Variants in ITSN1 observed in about 807,000 individuals in gnomAD.
The protein encoded by ITSN1 is intersectin-1.
ITSN1 carries 58 observed loss-of-function variants against 239.8 expected under a neutral mutation model. The ratio of observed to expected loss-of-function variants is 0.24; its 90% confidence interval spans 0.20 to 0.30. The LOEUF (loss-of-function observed/expected upper bound fraction) is 0.30. Ranked by LOEUF, ITSN1 falls within the 10% of genes least tolerant of loss-of-function variation. ITSN1 has a pLI of 1.00. For missense variants in ITSN1, 1,558 were observed against 2,103.3 expected, an observed-to-expected ratio of 0.74 and a Z score of 5.07; for synonymous variants, 780 against 770.8, an observed-to-expected ratio of 1.01 and a Z score of -0.20.
intron 33 of ITSN1, among the ~76,000 whole-genome samples, chr21:33,869,537 A>G (rs1982350256): frequency 6.6e-6 from 1 of 152,246 alleles, no homozygotes; most frequent in South Asian, 2.1e-4. Flanking sequence ...GTGTGTTGAT[A>G]TTAGATGATT....
chr21:33,834,504 C>G (rs2074487760), intron 28 of ITSN1, 80 bp downstream of exon 28: 1 of 1,010,638 alleles, frequency 9.9e-7, no homozygotes, highest in African/African-American at 1.6e-5. Context: ...CATTAAATAT[C>G]TTAGGTTGTT....
At chr21:33,669,049 C>G (rs1362977635) in intron 1 of ITSN1, among the ~76,000 whole-genome samples, 1 of 152,204 alleles carries the variant, frequency 6.6e-6, no homozygotes, top group African/African-American at 2.4e-5. Context: ...TCCAAACATT[C>G]TGGTTTGTTT....
intron 1 of ITSN1, among the ~76,000 whole-genome samples, chr21:33,685,373 T>C (rs2091187977): frequency 6.6e-6 from 1 of 152,146 alleles, no homozygotes. Flanking sequence ...GTTTAGTCAT[T>C]CTGTACTGCT....
At chr21:33,667,527 A>G (rs537790132) in intron 1 of ITSN1, among the ~76,000 whole-genome samples, 2 of 152,326 alleles carry the variant, frequency 1.3e-5, no homozygotes, top group African/African-American at 4.8e-5. Flanking sequence ...ATTTGGAACC[A>G]AAGTGTACTT....
chr21:33,805,824 A>T (rs2072379820), intron 20 of ITSN1, among the ~76,000 whole-genome samples: 1 of 150,466 alleles, frequency 6.6e-6, no homozygotes. Context: ...GGCACCCGCC[A>T]CCACGCCCGG....
At chr21:33,684,914 G>T (rs1451622725) in intron 1 of ITSN1, among the ~76,000 whole-genome samples, 1 of 152,098 alleles carries the variant, frequency 6.6e-6, no homozygotes, top group African/African-American at 2.4e-5. Flanking sequence ...AGTTAAAGGG[G>T]ATTTACTTTC....
chr21:33,722,761 C>A (rs1014826059), intron 4 of ITSN1, 110 bp downstream of exon 4: 8 of 1,033,574 alleles, frequency 7.7e-6, no homozygotes, highest in South Asian at 2.6e-5. Flanking sequence ...GAACATGTAT[C>A]TCTAGCCTGA....
At chr21:33,712,261 A>T (rs1480914807) in intron 1 of ITSN1, among the ~76,000 whole-genome samples, 1 of 151,924 alleles carries the variant, frequency 6.6e-6, no homozygotes. Context: ...TATATCCTGG[A>T]CATTGTGAGT....
At chr21:33,736,600 A>G (rs1362291345) in intron 5 of ITSN1, among the ~76,000 whole-genome samples, 1 of 152,240 alleles carries the variant, frequency 6.6e-6, no homozygotes, top group Non-Finnish European at 1.5e-5. Flanking sequence ...TTTAGCCTTT[A>G]GTTAACCAGC....
chr21:33,775,074 T>C lies in ITSN1; in HGVS notation c.1562T>C (p.Ile521Thr). The change falls in exon 14 of 40, where the codon ATT becomes ACT. Residue 521 changes from isoleucine (I) to threonine (T), a missense_variant. Physicochemically the swap from Ile to Thr is moderately conservative, Grantham distance 89. Coordinates refer to ENST00000381318, the MANE Select transcript of ITSN1 (RefSeq NM_003024.3). ...ESTNKSRELR[I>T]AEITHLQQQL... ...ACAAACAAATCTAGAGAGTTGAGAA[T>C]TGCCGAAATCACCCATCTACAGCAA... The C allele has an allele frequency of 1.2e-6, 2 of 1,614,006 alleles. No individual in the cohort carries two copies. The highest frequency in any genetic ancestry group is 1.3e-5 in the African/African-American group (1 of 75,048).
chr21:33,774,648 T>A (rs1007679339), intron 12 of ITSN1, 81 bp from the exon 13 acceptor site: 3 of 1,357,250 alleles, frequency 2.2e-6, no homozygotes, highest in Admixed American at 2.3e-5. Context: ...AGGAAAGACT[T>A]CCTAGATGCC....
rs1985092746 is a variant in ITSN1, at chr21:33,882,525, A to G, written c.4554+70A>G. The G allele has an allele frequency of 5.7e-6, 8 of 1,394,564 alleles. 1 individual carries two copies. In the South Asian group the frequency reaches 1.0e-4, roughly 17 times the overall value. The allele number at this position is 1,394,564 out of a possible 1,614,324, so 86.4% of individuals were successfully genotyped here. ...GGGGAGGAAGAAGTTTCCAAAAAGGAGGTAGAGTTTTAGCAGGGTCAGGGG... is the reference window on the plus strand; with the variant it reads ...GGGGAGGAAGAAGTTTCCAAAAAGGGGGTAGAGTTTTAGCAGGGTCAGGGG... On this transcript the variant is annotated intron_variant, in intron 35 of 39. Transcript: ENST00000381318. This position sits in a 1 kb window ranked among gnomAD's most constrained non-coding sequence, Gnocchi z 4.5.
intron 34 of ITSN1, among the ~76,000 whole-genome samples, chr21:33,880,549 G>C (rs183114909): frequency 1.3e-5 from 2 of 152,116 alleles, no homozygotes; most frequent in African/African-American, 2.4e-5. Flanking sequence ...TTTCCTCCTC[G>C]TGGCTGACAG....
chr21:33,744,996 C>G (rs2067094599), intron 5 of ITSN1, among the ~76,000 whole-genome samples: 1 of 152,154 alleles, frequency 6.6e-6, no homozygotes, highest in Non-Finnish European at 1.5e-5. Context: ...ATTAGAAGCA[C>G]CTCTTTATAA....
At chr21:33,780,745 C>T (rs1299903605) in intron 14 of ITSN1, among the ~76,000 whole-genome samples, 1 of 152,172 alleles carries the variant, frequency 6.6e-6, no homozygotes, top group African/African-American at 2.4e-5. Flanking sequence ...CCTAGGAAGG[C>T]TGCCATTTTA....
intron 5 of ITSN1, among the ~76,000 whole-genome samples, chr21:33,737,553 T>C (rs1452971357): frequency 2.6e-5 from 4 of 152,168 alleles, no homozygotes; most frequent in Non-Finnish European, 5.9e-5. Flanking sequence ...AATAATTTAT[T>C]ACTATTGTCA....
At chr21:33,817,190 A>G (rs899165452) in intron 22 of ITSN1, 20 of 1,264,004 alleles carry the variant, frequency 1.6e-5, no homozygotes, top group African/African-American at 3.1e-5. Flanking sequence ...GTTTAATGCT[A>G]TAGCTTAAAA....
intron 14 of ITSN1, among the ~76,000 whole-genome samples, chr21:33,776,864 T>G (rs2069673242): frequency 1.3e-5 from 2 of 152,094 alleles, no homozygotes; most frequent in South Asian, 4.1e-4. Context: ...CTGGCTTGGG[T>G]TTAATTTTTG....
In ITSN1 at chr21:33,882,530, G is replaced by C. The variant is rs1985094037; in HGVS notation, c.4554+75G>C. ...GGAAGAAGTTTCCAAAAAGGAGGTA[G>C]AGTTTTAGCAGGGTCAGGGGCTGTG... On this transcript the variant is annotated intron_variant, in intron 35 of 39. Transcript: ENST00000381318. This position sits in a 1 kb window ranked among gnomAD's most constrained non-coding sequence, Gnocchi z 4.5. 8.3e-6 allele frequency: 11 copies of C among 1,327,374 alleles called. No individual in the cohort carries two copies. The highest frequency in any genetic ancestry group is 2.0e-5 in the Admixed American group (1 of 51,280). 82.2% of individuals were successfully genotyped at this position (1,327,374 alleles called of 1,614,324 possible).
Sources: allele counts gnomAD v4.1 joint callset (sites outside exome capture counted in the v4.1 genomes callset), GRCh38; gene constraint gnomAD v4.1.1; non-coding constraint Gnocchi (gnomAD v3.1); transcripts MANE v1.5; gene names NCBI Gene and HGNC (gene_info 2026-07-23, HGNC 2026-07-21).